PREP: variants seen among roughly 807,000 people sequenced by gnomAD.
PREP encodes the protein prolyl endopeptidase.
In PREP, 29 loss-of-function variants were observed where a neutral mutation model predicts 87.6. The observed-to-expected ratio is 0.33, with a 90% CI of 0.25 to 0.45. The LOEUF (loss-of-function observed/expected upper bound fraction) is 0.45, where lower values mean the gene tolerates loss of function less well. PREP is among the 20% of genes least tolerant of loss of function. The pLI is 1.00. For synonymous variants in PREP, 337 were observed against 328.6 expected, an observed-to-expected ratio of 1.03 and a Z score of -0.28; for missense variants, 695 against 886.5, an observed-to-expected ratio of 0.78 and a Z score of 2.74.
chr6:105,285,549 C>G lies in PREP; in HGVS notation c.1486G>C (p.Gly496Arg). The change falls in exon 12 of 15, where the codon GGT (glycine) becomes CGT (arginine). Residue 496 changes from glycine (G) to arginine (R), a missense_variant. Coordinates refer to ENST00000652536, the MANE Select transcript of PREP (RefSeq NM_002726.5). ...VSRLIFVRHM[G>R]GILAVANIRG... ...ATGTTGGCCACTGCCAGGATACCAC[C>G]CATGTGTCTCACAAAAATAAGCCTG... 2 of 1,614,106 alleles carry G rather than the reference C, an allele frequency of 1.2e-6. No homozygotes were observed. Among genetic ancestry groups the G allele is most frequent in the South Asian group, 2.2e-5 (2 of 91,086 alleles).
At chr6:105,367,757 C>G (rs1266225376) in intron 6 of PREP, among the ~76,000 whole-genome samples, 1 of 151,860 alleles carries the variant, frequency 6.6e-6, no homozygotes, top group Non-Finnish European at 1.5e-5. Flanking sequence ...CTACTAAAAT[C>G]TGGCAAACTT....
intron 2 of PREP, among the ~76,000 whole-genome samples, chr6:105,382,708 G>A (rs183225823): frequency 5.3e-5 from 8 of 152,286 alleles, no homozygotes; most frequent in Non-Finnish European, 1.2e-4. Flanking sequence ...GCTACTTCCA[G>A]GGCAGGGCAG....
intron 7 of PREP, among the ~76,000 whole-genome samples, chr6:105,345,831 C>T (rs1013670746): frequency 6.6e-5 from 10 of 152,134 alleles, no homozygotes; most frequent in African/African-American, 1.4e-4. Context: ...CCGTGCTCCT[C>T]GGAAGCTGTT....
intron 7 of PREP, among the ~76,000 whole-genome samples, chr6:105,334,786 T>C (rs1037752614): frequency 6.6e-6 from 1 of 151,574 alleles, no homozygotes; most frequent in African/African-American, 2.4e-5. Context: ...CAGTGGCTAT[T>C]CACAGGCATG....
At chr6:105,362,717 A>G (rs368654518) in intron 6 of PREP, among the ~76,000 whole-genome samples, 18 of 152,292 alleles carry the variant, frequency 1.2e-4, no homozygotes, top group African/African-American at 4.3e-4. Flanking sequence ...CACGGTGAAT[A>G]TTATCACATA....
At position 105,333,436 on chromosome 6, in the gene PREP, G is replaced by T; in HGVS notation, c.893C>A (p.Thr298Lys). ...GEYDYVTNEG[T>K]VFTFKTNRQS... is the part of the protein sequence containing the mutation. ...GCGATTCGTCTTGAATGTGAACACC[G>T]TCCCCTCATTGGTCACGTAGTCATA... is the stretch of plus-strand genomic sequence containing the variant. Residue 298 changes from threonine (T) to lysine (K), a missense_variant, in exon 8 of 15, where the codon ACG becomes AAG. Transcript: ENST00000652536. The T allele has an allele frequency of 6.2e-7, 1 of 1,614,144 alleles. No homozygotes were observed. The highest frequency in any genetic ancestry group is 8.5e-7 in the Non-Finnish European group (1 of 1,180,008).
At chr6:105,308,766 C>T (rs1026228146) in intron 10 of PREP, among the ~76,000 whole-genome samples, 4 of 152,186 alleles carry the variant, frequency 2.6e-5, no homozygotes, top group African/African-American at 7.2e-5. Flanking sequence ...AACATATCTA[C>T]TCTGTGTTCT....
chr6:105,402,699 CG>C (rs1773467177), intron 1 of PREP, 147 bp downstream of exon 1: 9 of 688,758 alleles, frequency 1.3e-5, no homozygotes, highest in Non-Finnish European at 1.7e-5. Context: ...CCCGCGCCCC[CG>C]GCCCAATTCT....
At chr6:105,351,270 C>G (rs1338887521) in intron 7 of PREP, among the ~76,000 whole-genome samples, 2 of 152,202 alleles carry the variant, frequency 1.3e-5, no homozygotes, top group African/African-American at 2.4e-5. Flanking sequence ...AAGAGCAGAG[C>G]TGAGGCTTCC....
chr6:105,358,075 T>C (rs73516008), intron 6 of PREP, among the ~76,000 whole-genome samples: 12,187 of 152,166 alleles, frequency 0.08, 579 homozygotes, highest in African/African-American at 0.13. Context: ...TACAAATTCC[T>C]AAATTTGTGC....
chr6:105,394,143 A>G (rs1773231053), intron 2 of PREP, among the ~76,000 whole-genome samples: 1 of 152,220 alleles, frequency 6.6e-6, no homozygotes, highest in East Asian at 1.9e-4. Flanking sequence ...GAATTCAAGG[A>G]CATTTTAATA....
At chr6:105,310,712 A>G (rs1466646426) in intron 10 of PREP, among the ~76,000 whole-genome samples, 1 of 151,340 alleles carries the variant, frequency 6.6e-6, no homozygotes, top group African/African-American at 2.4e-5. Flanking sequence ...AGCCTTCTCC[A>G]CTCTTTATAT....
At chr6:105,333,843 C>T (rs750215139) in intron 7 of PREP, among the ~76,000 whole-genome samples, 15 of 152,134 alleles carry the variant, frequency 9.9e-5, no homozygotes, top group South Asian at 2.1e-4. Flanking sequence ...AAGTCGTCGT[C>T]GTCTCCCTCC....
intron 11 of PREP, among the ~76,000 whole-genome samples, chr6:105,286,502 G>C (rs1770190143): frequency 6.6e-6 from 1 of 152,132 alleles, no homozygotes; most frequent in South Asian, 2.1e-4. Flanking sequence ...TTTGGATTTT[G>C]TTTCCCCCTT....
chr6:105,351,703 C>T (rs535631119), intron 7 of PREP, among the ~76,000 whole-genome samples: 1 of 152,274 alleles, frequency 6.6e-6, no homozygotes, highest in East Asian at 1.9e-4. Context: ...GTCACTGATT[C>T]GTTCAGGCTC....
chr6:105,367,044 T>C (rs761124196), intron 6 of PREP, among the ~76,000 whole-genome samples: 5 of 152,206 alleles, frequency 3.3e-5, no homozygotes, highest in Non-Finnish European at 5.9e-5. Flanking sequence ...ACAATGTCAA[T>C]GAACTTAATG....
At chr6:105,354,642 C>T (rs1415664952) in intron 6 of PREP, among the ~76,000 whole-genome samples, 3 of 151,936 alleles carry the variant, frequency 2.0e-5, no homozygotes, top group African/African-American at 4.8e-5. Flanking sequence ...AGAACACTGA[C>T]CTCTGCTGAA....
chr6:105,372,382 A>C (rs142798236), intron 5 of PREP, among the ~76,000 whole-genome samples: 71 of 152,310 alleles, frequency 4.7e-4, no homozygotes, highest in African/African-American at 1.7e-3. Flanking sequence ...AATCTCTAAC[A>C]CAGGGATTGT....
intron 10 of PREP, among the ~76,000 whole-genome samples, chr6:105,313,744 C>T (rs1201042152): frequency 6.6e-6 from 1 of 152,224 alleles, no homozygotes; most frequent in African/African-American, 2.4e-5. Context: ...CAAAACAGAT[C>T]TGTGAATATT....
Sources: allele counts gnomAD v4.1 joint callset (sites outside exome capture counted in the v4.1 genomes callset), GRCh38; gene constraint gnomAD v4.1.1; transcripts MANE v1.5; gene names NCBI Gene and HGNC (gene_info 2026-07-23, HGNC 2026-07-21).